The following APP variants were observed in gnomAD, a reference collection of about 807,000 sequenced individuals.
APP encodes the protein amyloid-beta precursor protein.
Under a neutral mutation model 101.4 loss-of-function variants are expected in APP, and 31 were observed. That is an observed-to-expected ratio of 0.31 (90% CI 0.23 to 0.41). The LOEUF is 0.41. APP is among the 10% of genes least tolerant of loss of function. The pLI, the probability that APP is intolerant of heterozygous loss-of-function variation, is 1.00. For synonymous variants in APP, 366 were observed against 364.4 expected, an observed-to-expected ratio of 1.00 and a Z score of -0.05; for missense variants, 839 against 1,003.7, an observed-to-expected ratio of 0.84 and a Z score of 2.22.
intron 9 of APP, among the ~76,000 whole-genome samples, chr21:25,980,587 T>G (rs1324877002): frequency 3.3e-5 from 5 of 152,160 alleles, no homozygotes; most frequent in African/African-American, 9.7e-5. Flanking sequence ...AAAAGTACTG[T>G]GATTATAAGG....
At chr21:25,883,394 CT>C (rs2037118352) in intron 17 of APP, among the ~76,000 whole-genome samples, 1 of 151,416 alleles carries the variant, frequency 6.6e-6, no homozygotes, top group African/African-American at 2.4e-5. Context: ...CAGAGTGAGA[CT>C]CCATCTCCAA....
chr21:26,072,802 AT>A (rs1473634969), intron 3 of APP, among the ~76,000 whole-genome samples: 1 of 152,240 alleles, frequency 6.6e-6, no homozygotes, highest in African/African-American at 2.4e-5. Flanking sequence ...GGAGAATTTA[AT>A]AAAAGCTGAA....
chr21:26,144,659 G>A (rs2063118525), intron 1 of APP, among the ~76,000 whole-genome samples: 1 of 152,118 alleles, frequency 6.6e-6, no homozygotes, highest in African/African-American at 2.4e-5. Flanking sequence ...AACTTTCTGG[G>A]TTAAAATGCA....
At chr21:26,019,128 A>C (rs1275186381) in intron 6 of APP, among the ~76,000 whole-genome samples, 1 of 152,258 alleles carries the variant, frequency 6.6e-6, no homozygotes, top group Admixed American at 6.5e-5. Context: ...ACTAGCATCA[A>C]AACAAAATCT....
intron 2 of APP, among the ~76,000 whole-genome samples, chr21:26,090,437 T>A (rs920381301): frequency 1.3e-5 from 2 of 148,724 alleles, no homozygotes; most frequent in Admixed American, 1.4e-4. Context: ...GCTCTACCTC[T>A]GACCAAGCTA....
intron 5 of APP, among the ~76,000 whole-genome samples, chr21:26,048,490 G>A (rs116420697): frequency 0.012 from 1,896 of 152,164 alleles, 9 homozygotes; most frequent in South Asian, 0.027. Context: ...ATTCAAAGTC[G>A]TCCTGGGCAG....
chr21:26,007,228 C>G (rs2043569650), intron 6 of APP, among the ~76,000 whole-genome samples: 1 of 151,092 alleles, frequency 6.6e-6, no homozygotes, highest in East Asian at 1.9e-4. Flanking sequence ...AAATGTAAGA[C>G]AAATATAATT....
At chr21:25,968,367 C>T (rs2041879866) in intron 11 of APP, among the ~76,000 whole-genome samples, 1 of 134,458 alleles carries the variant, frequency 7.4e-6, no homozygotes, top group Non-Finnish European at 1.5e-5. Flanking sequence ...TTCTATGTTG[C>T]CTAGGGTGGT....
chr21:26,056,325 A>G (rs983319255), intron 3 of APP, among the ~76,000 whole-genome samples: 5 of 152,230 alleles, frequency 3.3e-5, no homozygotes, highest in Non-Finnish European at 5.9e-5. Context: ...GACATGAGCC[A>G]CCACGACCAG....
At chr21:26,069,536 A>G (rs752220248) in intron 3 of APP, among the ~76,000 whole-genome samples, 4 of 152,134 alleles carry the variant, frequency 2.6e-5, no homozygotes, top group Non-Finnish European at 5.9e-5. Context: ...ATCACTGCAC[A>G]TATCACCAAC....
At chr21:25,948,155 G>T (rs216775) in intron 13 of APP, among the ~76,000 whole-genome samples, 139,883 of 151,226 alleles carry the variant, frequency 0.92, 64,763 homozygotes, top group African/African-American at 0.94. Context: ...TCTATTTGCT[G>T]TTATGATTTT....
chr21:25,950,186 A>G (rs1008658716), intron 13 of APP, among the ~76,000 whole-genome samples: 8 of 152,172 alleles, frequency 5.3e-5, no homozygotes, highest in African/African-American at 1.9e-4. Flanking sequence ...ACATTCATAA[A>G]GAAAGAATGT....
At position 25,897,644 on chromosome 21, in the gene APP, C is replaced by T. The variant is rs201945946; in HGVS notation, c.1993G>A (p.Glu665Lys). 191 of 1,613,710 alleles carry T rather than the reference C, an allele frequency of 1.2e-4. No individual in the cohort carries two copies. In the South Asian group the frequency reaches 1.9e-3, roughly 16 times the overall value. Residue 665 changes from glutamate to lysine, a missense_variant, in exon 16 of 18, where the codon GAG becomes AAG. Physicochemically the swap from Glu to Lys is moderately conservative, Grantham distance 56. Transcript: ENST00000346798. ...GCATCCATCTTCACTTCAGAGATCTCCTCCGTCTTGATATTTGTCAACCCA... is the reference window on the plus strand; with the variant it reads ...GCATCCATCTTCACTTCAGAGATCTTCTCCGTCTTGATATTTGTCAACCCA... ...GSGLTNIKTE[E>K]ISEVKMDAEF... is the part of the protein sequence containing the mutation.
intron 1 of APP, among the ~76,000 whole-genome samples, chr21:26,152,940 T>G (rs370345): frequency 3.9e-5 from 6 of 152,026 alleles, no homozygotes; most frequent in Non-Finnish European, 8.8e-5. Context: ...GGCATATATA[T>G]ATCAGGGACT....
At position 26,070,968 on chromosome 21, in the gene APP, T is replaced by C. The variant is rs1413562873; in HGVS notation, c.356-17620A>G. Among the ~76,000 whole-genome samples, 3 of 152,320 alleles carry C rather than the reference T, an allele frequency of 2.0e-5. No individual in the cohort carries two copies. The South Asian group carries it at 6.2e-4, about 32-fold the overall frequency. On this transcript the variant is annotated intron_variant, in intron 3 of 17. Transcript: ENST00000346798. ...ATTTCTGCTTCCTTTGCTACTTTTC[T>C]GCTTGACTGAATTTTATAATGAAAA...
At position 25,911,890 on chromosome 21, in the gene APP, C is replaced by T. The variant is rs1601379333; in HGVS notation, c.1760G>A (p.Ser587Asn). The T allele has an allele frequency of 1.9e-6, 3 of 1,614,092 alleles. No homozygotes were observed. Among genetic ancestry groups the T allele is most frequent in the Non-Finnish European group, 2.5e-6 (3 of 1,180,038 alleles). Residue 587 changes from serine (S) to asparagine (N), a missense_variant, in exon 14 of 18, where the codon AGT (serine) becomes AAT (asparagine). Transcript: ENST00000346798. Reference protein sequence around the residue: ...LANMISEPRISYGNDALMPSL... With the variant: ...LANMISEPRINYGNDALMPSL... ...TGGCATGAGAGCATCGTTTCCGTAA[C>T]TGATCCTTGGTTCACTAATCATGTT...
chr21:25,999,353 G>A (rs895441503), intron 7 of APP, among the ~76,000 whole-genome samples: 2 of 152,066 alleles, frequency 1.3e-5, no homozygotes, highest in African/African-American at 4.8e-5. Flanking sequence ...AGTTTCTCAC[G>A]TTAAGTCAAA....
chr21:25,999,771 CAT>C (rs1298030916), intron 7 of APP, among the ~76,000 whole-genome samples: 2 of 152,298 alleles, frequency 1.3e-5, no homozygotes, highest in African/African-American at 2.4e-5. Flanking sequence ...GATTGCAAGA[CAT>C]ATGTGCTACA....
At chr21:26,099,544 C>T (rs747228218) in intron 2 of APP, among the ~76,000 whole-genome samples, 7 of 152,162 alleles carry the variant, frequency 4.6e-5, no homozygotes, top group East Asian at 1.9e-4. Flanking sequence ...TTAAACTACT[C>T]GGACTTAGGC....
Sources: gnomAD v4.1 joint callset for allele counts (sites outside exome capture counted in the v4.1 genomes callset) on GRCh38, gnomAD v4.1.1 for gene constraint, MANE v1.5 for transcripts, NCBI Gene and HGNC (gene_info 2026-07-23, HGNC 2026-07-21) for gene names.